THTPA: variants seen among roughly 807,000 people sequenced by gnomAD.
THTPA encodes thiamine-triphosphatase.
Under a neutral mutation model 16.5 loss-of-function variants are expected in THTPA, and 16 were observed. The ratio of observed to expected loss-of-function variants is 0.97; its 90% CI spans 0.66 to 1.47. THTPA has a LOEUF of 1.47. THTPA is among the 40% of genes most tolerant of loss of function. THTPA has a pLI of 0.00. For missense variants in THTPA, 281 were observed against 280.9 expected (o/e 1.00, Z 0.00); for synonymous variants, 110 against 115.5 (o/e 0.95, Z 0.30).
chr14:23,547,963 C>T, the THTPA span, among the ~76,000 whole-genome samples: 1 of 152,136 alleles, frequency 6.6e-6, no homozygotes, highest in Non-Finnish European at 1.5e-5. Flanking sequence ...GTCCCATTTC[C>T]CCCCTTTCTG....
chr14:23,544,871 T>G, the THTPA span, among the ~76,000 whole-genome samples: 1 of 152,130 alleles, frequency 6.6e-6, no homozygotes, highest in African/African-American at 2.4e-5. Context: ...TTCTCCCACC[T>G]TTTTTTTCTG....
chr14:23,514,127 T>A, the THTPA span: 2 of 152,354 alleles, frequency 1.3e-5, no homozygotes, highest in African/African-American at 4.8e-5. Context: ...AGGTTGACAG[T>A]GCCTCTTGCC....
the THTPA span, among the ~76,000 whole-genome samples, chr14:23,541,408 C>T: frequency 3.9e-5 from 6 of 151,926 alleles, no homozygotes; most frequent in African/African-American, 1.5e-4. Context: ...CTGCCTCAGC[C>T]TCCCAAGTAG....
chr14:23,526,388 A>G, the THTPA span: 1 of 1,536,266 alleles, frequency 6.5e-7, no homozygotes, highest in South Asian at 1.2e-5. Flanking sequence ...GGCAGGGTCG[A>G]GAAACTTGTC....
chr14:23,523,556 G>A, the THTPA span: 1 of 1,537,794 alleles, frequency 6.5e-7, no homozygotes, highest in South Asian at 1.2e-5. This position sits in a 1 kb window ranked among gnomAD's most constrained non-coding sequence, Gnocchi z 4.1. Context: ...GCTCCCAGCG[G>A]CTGTCCCCTG....
the THTPA span, chr14:23,522,925 T>C: frequency 6.9e-7 from 1 of 1,447,548 alleles, no homozygotes; most frequent in South Asian, 1.4e-5. Context: ...CGAGGAGGCC[T>C]GAGGAGGCTG....
At chr14:23,545,114 G>A in the THTPA span, among the ~76,000 whole-genome samples, 1 of 149,530 alleles carries the variant, frequency 6.7e-6, no homozygotes, top group South Asian at 2.1e-4. Context: ...CGCCCTTCAC[G>A]GCTCCAGTTC....
the THTPA span, among the ~76,000 whole-genome samples, chr14:23,550,693 G>A: frequency 6.6e-6 from 1 of 152,292 alleles, no homozygotes; most frequent in South Asian, 2.1e-4. Flanking sequence ...TAGGATGGGC[G>A]TGCAGGACAG....
At chr14:23,546,490 C>T in the THTPA span, among the ~76,000 whole-genome samples, 1 of 152,174 alleles carries the variant, frequency 6.6e-6, no homozygotes, top group African/African-American at 2.4e-5. The surrounding 1 kb of genome is among the most constrained non-coding windows in gnomAD (Gnocchi z 4.7). Context: ...CACCCCTTAA[C>T]AACTGCACAT....
At chr14:23,531,669 T>C in the THTPA span, 1 of 1,480,632 alleles carries the variant, frequency 6.8e-7, no homozygotes, top group Middle Eastern at 1.7e-4. Flanking sequence ...CAACAGGCAG[T>C]GGTATAGCCC....
chr14:23,552,766 T>G (rs1171296388), upstream of THTPA, among the ~76,000 whole-genome samples: 1 of 151,812 alleles, frequency 6.6e-6, no homozygotes. Context: ...CATGCCCTGC[T>G]AATTTTGTAT....
chr14:23,530,969 C>T, the THTPA span: 4 of 170,982 alleles, frequency 2.3e-5, no homozygotes, highest in South Asian at 4.5e-4. Context: ...GCTGGTACAA[C>T]CTCAGCTGCC....
the THTPA span, chr14:23,533,957 T>C: frequency 6.5e-7 from 1 of 1,537,864 alleles, no homozygotes; most frequent in Non-Finnish European, 8.7e-7. The surrounding 1 kb of genome is among the most constrained non-coding windows in gnomAD (Gnocchi z 4.8). Context: ...CAGTTGCACT[T>C]GGGACACTTG....
upstream of THTPA, among the ~76,000 whole-genome samples, chr14:23,551,127 A>C (rs1404262600): frequency 3.0e-4 from 33 of 111,722 alleles, no homozygotes; most frequent in South Asian, 9.5e-4. The surrounding 1 kb of genome is among the most constrained non-coding windows in gnomAD (Gnocchi z 5.3). Context: ...TTCCTCCCAC[A>C]CCCCTGTCTG....
At chr14:23,552,318 G>C (rs1375229485), upstream of THTPA, among the ~76,000 whole-genome samples, 4 of 148,936 alleles carry the variant, frequency 2.7e-5, no homozygotes, top group Non-Finnish European at 5.9e-5. Flanking sequence ...TCTGGAGACG[G>C]AGTCTCACTC....
At chr14:23,524,176 C>A in the THTPA span, 9 of 1,535,982 alleles carry the variant, frequency 5.9e-6, no homozygotes, top group Admixed American at 5.9e-5. This position sits in a 1 kb window ranked among gnomAD's most constrained non-coding sequence, Gnocchi z 5.6. Context: ...TAGGCACCCC[C>A]CCAGGGGTGC....
chr14:23,551,531 A>C (rs550557931), upstream of THTPA: 1 of 152,512 alleles, frequency 6.6e-6, no homozygotes, highest in East Asian at 1.9e-4. This position sits in a 1 kb window ranked among gnomAD's most constrained non-coding sequence, Gnocchi z 5.3. Flanking sequence ...TAAATAAATA[A>C]ATTCACGGCG....
the THTPA span, chr14:23,533,453 G>A: frequency 2.0e-6 from 3 of 1,534,462 alleles, no homozygotes; most frequent in Non-Finnish European, 2.6e-6. The surrounding 1 kb of genome is among the most constrained non-coding windows in gnomAD (Gnocchi z 4.8). Flanking sequence ...GGGCTAGTGG[G>A]GGTAGCCCCT....
the THTPA span, chr14:23,522,559 G>C: frequency 2.0e-6 from 3 of 1,528,082 alleles, no homozygotes; most frequent in Non-Finnish European, 2.6e-6. Context: ...TCATGCCATA[G>C]AGCTGTTGGA....
Sources: allele counts gnomAD v4.1 joint callset (sites outside exome capture counted in the v4.1 genomes callset), GRCh38; gene constraint gnomAD v4.1.1; non-coding constraint Gnocchi (gnomAD v3.1); transcripts MANE v1.5; gene names NCBI Gene and HGNC (gene_info 2026-07-23, HGNC 2026-07-21).